Variants in VPS13C observed in about 807,000 individuals in gnomAD.
VPS13C encodes the protein intermembrane lipid transfer protein VPS13C.
VPS13C carries 358 observed loss-of-function variants against 456.8 expected under a neutral mutation model. That is an observed-to-expected ratio of 0.78 (90% CI 0.72 to 0.86). The LOEUF (loss-of-function observed/expected upper bound fraction) is 0.86, where lower values mean the gene tolerates loss of function less well. VPS13C is among the 40% of genes least tolerant of loss of function. The probability of loss-of-function intolerance (pLI) is 0.00; values close to 1 mark genes in which losing one functional copy is unlikely to be tolerated. For synonymous variants in VPS13C, 1,578 were observed against 1,486.7 expected (o/e 1.06, Z -1.41); for missense variants, 4,818 against 4,385.4 (o/e 1.10, Z -2.79).
intron 9 of VPS13C, among the ~76,000 whole-genome samples, chr15:62,016,523 T>A (rs1257150495): frequency 1.3e-5 from 2 of 149,740 alleles, no homozygotes; most frequent in Non-Finnish European, 3.0e-5. Context: ...CATGCAGTGT[T>A]TGGTTTTTTG....
intron 15 of VPS13C, among the ~76,000 whole-genome samples, chr15:62,004,779 C>T (rs2046773695): frequency 6.6e-6 from 1 of 150,546 alleles, no homozygotes; most frequent in South Asian, 2.1e-4. Flanking sequence ...TCGTTATGTA[C>T]CCAGTAGTCA....
intron 1 of VPS13C, among the ~76,000 whole-genome samples, chr15:62,044,825 C>T (rs961900289): frequency 6.6e-5 from 10 of 152,098 alleles, no homozygotes; most frequent in Admixed American, 2.6e-4. Context: ...ATCTTAAACA[C>T]TATCCCTGTA....
chr15:62,007,396 T>A lies in VPS13C; in HGVS notation c.1202A>T (p.His401Leu). Residue 401 changes from histidine (H) to leucine (L), a missense_variant, in exon 15 of 85, where the codon CAC becomes CTC. Transcript: ENST00000644861. ...QMWSWSNIKK[H>L]RQLLKSYKIA... ...TTTATAACTCTTGAGTAACTGCCTG[T>A]GCTTTTTTATGTTACTCCATGACCA... is the stretch of plus-strand genomic sequence containing the variant. 6.2e-7 allele frequency: 1 copy of A among 1,613,202 alleles called. No individual in the cohort carries two copies. Among genetic ancestry groups the A allele is most frequent in the Non-Finnish European group, 8.5e-7 (1 of 1,179,558 alleles).
chr15:61,974,205 A>G (rs2045636879), intron 25 of VPS13C, 83 bp downstream of exon 25: 4 of 1,368,348 alleles, frequency 2.9e-6, no homozygotes, highest in Non-Finnish European at 2.9e-6. Context: ...CCTTTCACTT[A>G]TAAACCTTGC....
chr15:61,991,001 T>C lies in VPS13C; in HGVS notation c.1577A>G (p.Gln526Arg). Residue 526 changes from glutamine to arginine, a missense_variant and splice_region_variant, in exon 18 of 85, where the codon CAG becomes CGG. This residue lies in a region of VPS13C where 4,552 missense variants were observed against 4,130.6 expected (regional missense o/e 1.10). Transcript: ENST00000644861. ...ESTHNLTLPK[Q>R]YVAHIMTLKL... ...CCTTTAAACCACTTAAATAATTACC[T>C]GCTTAGGTAAAGTTAGGTTGTGGGT... 2 of 1,606,418 alleles carry C rather than the reference T, an allele frequency of 1.2e-6. No individual in the cohort carries two copies. Among genetic ancestry groups the C allele is most frequent in the Non-Finnish European group, 1.7e-6 (2 of 1,175,484 alleles).
intron 13 of VPS13C, 125 bp downstream of exon 13, chr15:62,010,347 A>C: frequency 1.0e-5 from 11 of 1,060,134 alleles, no homozygotes; most frequent in Non-Finnish European, 1.4e-5. Context: ...AAAAATTTTT[A>C]AACAGTCAAA....
chr15:61,909,106 T>A lies in VPS13C; in HGVS notation c.8864A>T (p.Asp2955Val). Residue 2955 changes from aspartate (D) to valine (V), a missense_variant, in exon 65 of 85, where the codon GAT becomes GTT. Physicochemically the swap from Asp to Val is radical, Grantham distance 152. Transcript: ENST00000644861. The part of the protein sequence containing the change: ...LEDLNGGILV[D>V]VNTAEHSTVI... ...AGTTGAATGTTCGGCAGTGTTTACATCCACCAAGATACCCCCATTCTATTG... is the reference window on the plus strand; with the variant it reads ...AGTTGAATGTTCGGCAGTGTTTACAACCACCAAGATACCCCCATTCTATTG... 1 of 1,612,694 alleles carries A rather than the reference T, an allele frequency of 6.2e-7. No individual in the cohort carries two copies. The highest frequency in any genetic ancestry group is 8.5e-7 in the Non-Finnish European group (1 of 1,179,704).
At position 61,914,878 on chromosome 15, in the gene VPS13C, T is replaced by TAAAAAAAAAAAAAAAAAA. The variant is rs60910951; in HGVS notation, c.8445+737_8445+754dup. On this transcript the variant is annotated intron_variant, in intron 61 of 84. Coordinates refer to ENST00000644861, the MANE Select transcript of VPS13C (RefSeq NM_020821.3). ...ACCGAGCCTGGCCAAAACTCTGCCT[T>TAAAAAAAAAAAAAAAAAA]AAAAAAAAAAAAAAAAAAAAAAAAA... Among the ~76,000 whole-genome samples, 55 of 102,052 alleles carry TAAAAAAAAAAAAAAAAAA rather than the reference T, an allele frequency of 5.4e-4. 5 individuals carry two copies. Among genetic ancestry groups the TAAAAAAAAAAAAAAAAAA allele is most frequent in the East Asian group, 8.8e-4 (3 of 3,422 alleles). 67.0% of individuals were successfully genotyped at this position (102,052 alleles called of 152,430 possible).
Position 61,940,921 on chromosome 15 carries a change from GA to G in VPS13C, c.5454-128del. ...AAAAGCTGCTAACAGAAGTCTTTTA[GA>G]ATACACTTCTTTTCACATTTTTAAG... is the stretch of plus-strand genomic sequence containing the variant. On this transcript the variant is annotated intron_variant, in intron 46 of 84. Coordinates refer to ENST00000644861, the MANE Select transcript of VPS13C (RefSeq NM_020821.3). 5 of 920,304 alleles carry G rather than the reference GA, an allele frequency of 5.4e-6. No homozygotes were observed. The East Asian group carries it at 1.3e-4, about 25-fold the overall frequency. The allele number at this position is 920,304 out of a possible 1,614,324, so 57.0% of individuals were successfully genotyped here.
rs971515004 is a variant in VPS13C, at chr15:61,939,167, T to C, written c.5601+1480A>G. On this transcript the variant is annotated intron_variant, in intron 47 of 84. Coordinates refer to ENST00000644861, the MANE Select transcript of VPS13C (RefSeq NM_020821.3). Reference sequence around the variant, plus strand: ...TTTACTTATGCTTTCAACAAACCTATAACCACAAAATCTTTGAAAGGGATT... The same window carrying C: ...TTTACTTATGCTTTCAACAAACCTACAACCACAAAATCTTTGAAAGGGATT... Among the ~76,000 whole-genome samples the C allele has an allele frequency of 5.3e-5, 8 of 152,158 alleles. No homozygotes were observed. In the South Asian group the frequency reaches 6.2e-4, roughly 12 times the overall value.
intron 1 of VPS13C, among the ~76,000 whole-genome samples, chr15:62,058,489 A>T (rs1024233129): frequency 3.9e-5 from 6 of 152,152 alleles, no homozygotes; most frequent in Admixed American, 6.6e-5. Flanking sequence ...ATTCAGCAAT[A>T]AAAAAATGCA....
At chr15:61,924,394 A>T (rs1005971595) in intron 53 of VPS13C, among the ~76,000 whole-genome samples, 3 of 152,236 alleles carry the variant, frequency 2.0e-5, no homozygotes, top group African/African-American at 7.2e-5. Flanking sequence ...TGAAAGCTGT[A>T]ATCACTGATT....
At chr15:61,895,820 C>T (rs574371312) in intron 66 of VPS13C, among the ~76,000 whole-genome samples, 2 of 151,832 alleles carry the variant, frequency 1.3e-5, no homozygotes, top group East Asian at 1.9e-4. Flanking sequence ...GGAAGAAGGG[C>T]GGATAGGGAA....
chr15:61,978,084 T>C (rs1328460102), intron 23 of VPS13C, among the ~76,000 whole-genome samples: 3 of 151,972 alleles, frequency 2.0e-5, no homozygotes, highest in East Asian at 1.9e-4. Context: ...TACGTAAGCA[T>C]AGAAAAACAC....
At chr15:61,889,408 ACTAT>A (rs1437443696) in intron 67 of VPS13C, among the ~76,000 whole-genome samples, 2 of 152,072 alleles carry the variant, frequency 1.3e-5, no homozygotes, top group African/African-American at 4.8e-5. Context: ...CATTACATAG[ACTAT>A]CTATTTACTT....
At chr15:61,966,052 C>A in intron 30 of VPS13C, 31 bp downstream of exon 30, 3 of 1,554,086 alleles carry the variant, frequency 1.9e-6, no homozygotes, top group Non-Finnish European at 2.6e-6. Flanking sequence ...TATTTTCAAA[C>A]AGGATAAATT....
At chr15:61,901,437 A>C (rs1286016904) in intron 66 of VPS13C, among the ~76,000 whole-genome samples, 1 of 152,016 alleles carries the variant, frequency 6.6e-6, no homozygotes, top group African/African-American at 2.4e-5. Context: ...CAACCCCATC[A>C]AAAAGTGGGC....
Position 61,931,191 on chromosome 15 carries a change from G to A in VPS13C, c.5937C>T (p.Ser1979=), listed in dbSNP as rs746949259. The stretch of plus-strand genomic sequence containing the variant: ...AGCCATCCTTAAACATCTTCCCTGA[G>A]GAGGCCATAAGATGTAGTCTGAGTT... ...LGELRLHLMA[S]SGKMFKDGSM... The change falls in exon 50 of 85, where the codon TCC becomes TCT. Residue 1979 remains serine, a synonymous_variant. Coordinates refer to ENST00000644861, the MANE Select transcript of VPS13C (RefSeq NM_020821.3). 1.4e-5 allele frequency: 23 copies of A among 1,614,006 alleles called. No homozygotes were observed. Among genetic ancestry groups the A allele is most frequent in the Non-Finnish European group, 1.9e-5 (23 of 1,180,042 alleles).
chr15:61,934,144 A>C (rs1264040076), intron 49 of VPS13C, 75 bp downstream of exon 49: 13 of 965,190 alleles, frequency 1.3e-5, no homozygotes, highest in African/African-American at 6.8e-5. Flanking sequence ...GTCCCACACA[A>C]AAAAAAGCCA....
Sources: allele counts gnomAD v4.1 joint callset (sites outside exome capture counted in the v4.1 genomes callset), GRCh38; gene constraint gnomAD v4.1.1; regional missense constraint gnomAD v4.1.1; transcripts MANE v1.5; gene names NCBI Gene and HGNC (gene_info 2026-07-23, HGNC 2026-07-21).